The following SEZ6L variants were observed in gnomAD, a reference collection of about 807,000 sequenced individuals.
SEZ6L encodes the protein seizure related 6 homolog like, also known as seizure 6-like protein.
SEZ6L carries 37 observed loss-of-function variants against 106.2 expected under a neutral mutation model. The observed-to-expected ratio is 0.35, with a 90% CI of 0.27 to 0.46. SEZ6L has a LOEUF of 0.46. Ranked by LOEUF, SEZ6L falls within the 20% of genes least tolerant of loss-of-function variation. The pLI is 1.00. For missense variants in SEZ6L, 1,172 were observed against 1,332.8 expected (o/e 0.88, Z 1.88); for synonymous variants, 541 against 570.4 (o/e 0.95, Z 0.73).
rs762219064 is a variant in SEZ6L at position 26,351,103 on chromosome 22, C to T, written c.2459C>T (p.Ser820Leu). 3.7e-6 allele frequency: 6 copies of T among 1,614,092 alleles called. No individual in the cohort carries two copies. The highest frequency in any genetic ancestry group is 1.1e-5 in the South Asian group (1 of 91,094). ...GTGGATCACTCGACCCGCTTAATTT[C>T]GGATCCTGTGCTGCTGGTGGGGACC... is the stretch of plus-strand genomic sequence containing the variant. ...GEVDHSTRLI[S>L]DPVLLVGTTI... The change falls in exon 12 of 17, where the codon TCG becomes TTG. Residue 820 changes from serine to leucine, a missense_variant. Ser to Leu is a moderately radical substitution (Grantham distance 145, BLOSUM62 -2). This residue lies in a region of SEZ6L where 534 missense variants were observed against 691.0 expected (regional missense o/e 0.77). Transcript: ENST00000248933.
chr22:26,340,954 C>T (rs1007026207), intron 10 of SEZ6L, among the ~76,000 whole-genome samples: 5 of 152,196 alleles, frequency 3.3e-5, no homozygotes, highest in Non-Finnish European at 7.3e-5. Flanking sequence ...TGCCTCATAA[C>T]TTATGTTTCA....
intron 9 of SEZ6L, among the ~76,000 whole-genome samples, chr22:26,338,557 C>CA (rs869248193): frequency 2.8e-5 from 4 of 141,642 alleles, no homozygotes; most frequent in Non-Finnish European, 6.3e-5. Flanking sequence ...ACCACCACAC[C>CA]AAAAAAAAAA....
chr22:26,286,679 G>A (rs933407493), intron 1 of SEZ6L, among the ~76,000 whole-genome samples: 2 of 151,122 alleles, frequency 1.3e-5, no homozygotes, highest in South Asian at 2.1e-4. Context: ...GGAATTCCGT[G>A]CCTCTCCCAG....
At chr22:26,216,617 T>C (rs1451788703) in intron 1 of SEZ6L, among the ~76,000 whole-genome samples, 1 of 151,700 alleles carries the variant, frequency 6.6e-6, no homozygotes, top group Non-Finnish European at 1.5e-5. Context: ...GATTGCGCCA[T>C]TGCACTCCAG....
intron 1 of SEZ6L, among the ~76,000 whole-genome samples, chr22:26,204,668 T>A (rs1193005944): frequency 6.6e-6 from 1 of 152,212 alleles, no homozygotes; most frequent in Non-Finnish European, 1.5e-5. Context: ...GCTTCCTTTT[T>A]TTTCTGAGAG....
intron 6 of SEZ6L, 22 bp downstream of exon 6, chr22:26,306,166 C>A: frequency 6.2e-7 from 1 of 1,608,452 alleles, no homozygotes; most frequent in Non-Finnish European, 8.5e-7. Flanking sequence ...AAGGTCCACA[C>A]CCAACCCCGT....
intron 12 of SEZ6L, among the ~76,000 whole-genome samples, chr22:26,354,623 A>G (rs1010969256): frequency 1.3e-5 from 2 of 152,226 alleles, no homozygotes; most frequent in African/African-American, 4.8e-5. Flanking sequence ...AGAGATGAAA[A>G]GCTTAAAATA....
intron 5 of SEZ6L, among the ~76,000 whole-genome samples, chr22:26,304,932 A>T (rs1050731818): frequency 1.3e-5 from 2 of 152,254 alleles, no homozygotes; most frequent in Non-Finnish European, 2.9e-5. Context: ...TTGCGTGAAC[A>T]TCATAGAGTG....
chr22:26,350,726 G>C (rs1160509357), intron 11 of SEZ6L, among the ~76,000 whole-genome samples: 1 of 147,972 alleles, frequency 6.8e-6, no homozygotes, highest in Non-Finnish European at 1.5e-5. Context: ...GTGCGATCTC[G>C]GCTCACTTCA....
At chr22:26,209,535 G>A (rs1427016980) in intron 1 of SEZ6L, among the ~76,000 whole-genome samples, 1 of 148,562 alleles carries the variant, frequency 6.7e-6, no homozygotes, top group African/African-American at 2.5e-5. Flanking sequence ...GAGGAAAGAG[G>A]AAGTCAAGGA....
intron 9 of SEZ6L, among the ~76,000 whole-genome samples, chr22:26,329,468 TA>T (rs377276721): frequency 0.034 from 5,135 of 151,296 alleles, 118 homozygotes; most frequent in Admixed American, 0.057. Flanking sequence ...ACACCATCTT[TA>T]AAAAAAAAGA....
rs757788135 is a variant in SEZ6L at position 26,292,575 on chromosome 22, C to T, written c.264C>T (p.Thr88=). 6.2e-6 allele frequency: 10 copies of T among 1,613,806 alleles called. No homozygotes were observed. Among genetic ancestry groups the T allele is most frequent in the East Asian group, 4.5e-5 (2 of 44,850 alleles). Residue 88 remains threonine, a synonymous_variant, in exon 2 of 17, where the codon ACC becomes ACT. Coordinates refer to ENST00000248933, the MANE Select transcript of SEZ6L (RefSeq NM_021115.5). ...EVLGELVLDG[T]APSAHHDIPA... is the part of the protein sequence containing the mutation. ...TGGGCGAGCTGGTGCTGGATGGGACCGCACCCTCTGCACATCACGACATCC... is the reference window on the plus strand; with the variant it reads ...TGGGCGAGCTGGTGCTGGATGGGACTGCACCCTCTGCACATCACGACATCC...
chr22:26,199,079 T>TA (rs1485523434), intron 1 of SEZ6L, among the ~76,000 whole-genome samples: 2 of 152,178 alleles, frequency 1.3e-5, no homozygotes, highest in African/African-American at 2.4e-5. Context: ...GACAGGTCTC[T>TA]AAAATAATCT....
intron 1 of SEZ6L, among the ~76,000 whole-genome samples, chr22:26,262,256 C>CTATCTATCTATA: frequency 1.3e-5 from 2 of 149,648 alleles, no homozygotes; most frequent in South Asian, 4.2e-4. Context: ...ATCTATCTAT[C>CTATCTATCTATA]TATCTATCTA....
At chr22:26,315,570 G>A (rs1205751452) in intron 9 of SEZ6L, among the ~76,000 whole-genome samples, 3 of 152,144 alleles carry the variant, frequency 2.0e-5, no homozygotes, top group African/African-American at 7.2e-5. Context: ...TGCCCCTTGT[G>A]GACTTGGGGC....
At chr22:26,172,446 A>G (rs576990998) in intron 1 of SEZ6L, among the ~76,000 whole-genome samples, 7 of 152,268 alleles carry the variant, frequency 4.6e-5, no homozygotes, top group Middle Eastern at 3.4e-3. Flanking sequence ...ATATTTTCTG[A>G]TCAGAGTGGC....
Position 26,292,906 on chromosome 22 carries a change from C to A in SEZ6L, c.595C>A (p.Pro199Thr). The A allele has an allele frequency of 6.2e-7, 1 of 1,614,176 alleles. No homozygotes were observed. The highest frequency in any genetic ancestry group is 1.1e-5 in the South Asian group (1 of 91,088). ...GAGTGCGGTCCCTACAACACCCGCA[C>A]CCCTGCAAATCTCCCCCTTCACTTC... ...KESAVPTTPA[P>T]LQISPFTSQP... Residue 199 changes from proline (P) to threonine (T), a missense_variant, in exon 2 of 17, where the codon CCC becomes ACC. Coordinates refer to ENST00000248933, the MANE Select transcript of SEZ6L (RefSeq NM_021115.5).
chr22:26,254,183 A>G (rs947780898), intron 1 of SEZ6L: 4 of 152,238 alleles, frequency 2.6e-5, no homozygotes, highest in Non-Finnish European at 4.4e-5. Context: ...TTAGGAAAGC[A>G]ACACGGCAAT....
intron 9 of SEZ6L, among the ~76,000 whole-genome samples, chr22:26,325,466 C>T (rs1024042019): frequency 6.6e-6 from 1 of 152,198 alleles, no homozygotes; most frequent in Non-Finnish European, 1.5e-5. Flanking sequence ...TGTAAAATCT[C>T]ACAGCTAGGA....
Sources: gnomAD v4.1 joint callset for allele counts (sites outside exome capture counted in the v4.1 genomes callset) on GRCh38, gnomAD v4.1.1 for gene constraint, gnomAD v4.1.1 regional missense constraint, MANE v1.5 for transcripts, NCBI Gene and HGNC (gene_info 2026-07-23, HGNC 2026-07-21) for gene names.